Variants in MDGA2 observed in about 807,000 individuals in gnomAD.
MDGA2 encodes MAM domain containing glycosylphosphatidylinositol anchor 2.
Under a neutral mutation model 117.8 loss-of-function variants are expected in MDGA2, and 40 were observed. The ratio of observed to expected loss-of-function variants is 0.34; its 90% CI spans 0.26 to 0.44. The LOEUF (loss-of-function observed/expected upper bound fraction) is 0.44, where lower values mean the gene tolerates loss of function less well. MDGA2 is among the 20% of genes least tolerant of loss of function. The pLI is 1.00. For synonymous variants in MDGA2, 452 were observed against 439.0 expected (o/e 1.03, Z -0.37); for missense variants, 1,123 against 1,250.6 (o/e 0.90, Z 1.54).
At chr14:47,427,063 G>C (rs967553911) in intron 1 of MDGA2, among the ~76,000 whole-genome samples, 8 of 152,048 alleles carry the variant, frequency 5.3e-5, no homozygotes, top group Admixed American at 5.3e-4. Context: ...CTAGTTACTA[G>C]ATTGTTTCTA....
At chr14:47,276,011 A>T (rs1299929402) in intron 2 of MDGA2, among the ~76,000 whole-genome samples, 1 of 152,108 alleles carries the variant, frequency 6.6e-6, no homozygotes, top group Admixed American at 6.6e-5. Flanking sequence ...ACTTTCCTGG[A>T]TGAAGTGGCC....
intron 4 of MDGA2, among the ~76,000 whole-genome samples, chr14:47,132,580 C>T (rs1307012815): frequency 6.6e-6 from 1 of 151,762 alleles, no homozygotes; most frequent in Non-Finnish European, 1.5e-5. Context: ...TTTGTAAAAA[C>T]ATTGGATTGA....
chr14:47,591,877 C>A (rs2138860255), intron 1 of MDGA2, among the ~76,000 whole-genome samples: 1 of 152,126 alleles, frequency 6.6e-6, no homozygotes, highest in Middle Eastern at 3.4e-3. Flanking sequence ...CGGCACAAGA[C>A]AAAGATGCCC....
intron 5 of MDGA2, among the ~76,000 whole-genome samples, chr14:47,111,604 G>A (rs1881039919): frequency 6.6e-6 from 1 of 152,106 alleles, no homozygotes; most frequent in South Asian, 2.1e-4. Context: ...CATTGCTCTG[G>A]ATATGTTCAC....
chr14:47,264,367 G>T (rs1207777662), intron 2 of MDGA2, among the ~76,000 whole-genome samples: 1 of 152,060 alleles, frequency 6.6e-6, no homozygotes, highest in African/African-American at 2.4e-5. Flanking sequence ...AAAAGTATTG[G>T]GTTGACTGCA....
At chr14:47,361,205 CTCTA>C (rs1273429569) in intron 1 of MDGA2, among the ~76,000 whole-genome samples, 101 of 124,720 alleles carry the variant, frequency 8.1e-4, no homozygotes, top group East Asian at 2.5e-3. Flanking sequence ...CTCTCTCTCT[CTCTA>C]TATATATATA....
chr14:47,379,900 C>T (rs1891573214), intron 1 of MDGA2, among the ~76,000 whole-genome samples: 1 of 152,188 alleles, frequency 6.6e-6, no homozygotes, highest in Non-Finnish European at 1.5e-5. Context: ...ACTCTGCACC[C>T]CAGGTCAAGA....
intron 2 of MDGA2, among the ~76,000 whole-genome samples, chr14:47,249,142 C>T (rs1459984772): frequency 2.6e-5 from 4 of 151,988 alleles, no homozygotes; most frequent in East Asian, 1.9e-4. Context: ...CTCAGCCCCC[C>T]GAGTAGATGG....
In MDGA2 at chr14:46,873,576, A is replaced by G; in HGVS notation, c.2609T>C (p.Ile870Thr). 6.2e-7 allele frequency: 1 copy of G among 1,611,922 alleles called. No homozygotes were observed. Among genetic ancestry groups the G allele is most frequent in the Non-Finnish European group, 8.5e-7 (1 of 1,178,676 alleles). The change falls in exon 14 of 17, where the codon ATT becomes ACT. Residue 870 changes from isoleucine (I) to threonine (T), a missense_variant. By Grantham distance (89) the Ile-to-Thr change is moderately conservative. This residue lies in a region of MDGA2 where 890 missense variants were observed against 1,050.3 expected (regional missense o/e 0.85). Transcript: ENST00000399232. ...SGSKEGFYMY[I>T]ETSRPRLEGE... ...TTCCAATCTGGGTCGTGATGTCTCA[A>G]TGTACATATAAAAACCTTAAAACAG...
chr14:47,392,331 G>A (rs1168821776), intron 1 of MDGA2, among the ~76,000 whole-genome samples: 1 of 152,026 alleles, frequency 6.6e-6, no homozygotes, highest in Non-Finnish European at 1.5e-5. Flanking sequence ...GTGGAAAACT[G>A]TCGCCATAGT....
intron 11 of MDGA2, among the ~76,000 whole-genome samples, chr14:46,878,960 A>C (rs1467482009): frequency 6.6e-6 from 1 of 152,102 alleles, no homozygotes; most frequent in Non-Finnish European, 1.5e-5. Flanking sequence ...AACTTTGTGA[A>C]AATTTGCACA....
chr14:47,359,615 T>C (rs1035378359), intron 1 of MDGA2, among the ~76,000 whole-genome samples: 8 of 150,956 alleles, frequency 5.3e-5, no homozygotes, highest in African/African-American at 1.7e-4. Context: ...AAGAACTTTA[T>C]CTTTCACCAT....
intron 2 of MDGA2, among the ~76,000 whole-genome samples, chr14:47,295,678 C>T (rs1374909528): frequency 1.3e-5 from 2 of 151,916 alleles, no homozygotes; most frequent in Non-Finnish European, 2.9e-5. Flanking sequence ...CTGAGGTGGG[C>T]GAATCACCCG....
chr14:46,964,705 T>C (rs1885946283), intron 8 of MDGA2, among the ~76,000 whole-genome samples: 1 of 152,158 alleles, frequency 6.6e-6, no homozygotes, highest in Admixed American at 6.5e-5. Flanking sequence ...AATGTAATAC[T>C]GAAGTGGAGA....
At chr14:47,402,553 T>G (rs1892177090) in intron 1 of MDGA2, among the ~76,000 whole-genome samples, 2 of 152,146 alleles carry the variant, frequency 1.3e-5, no homozygotes, top group African/African-American at 4.8e-5. Flanking sequence ...AGCATGTGTA[T>G]TTTGTAATGT....
intron 10 of MDGA2, among the ~76,000 whole-genome samples, chr14:46,905,205 A>G (rs150870326): frequency 2.6e-5 from 4 of 152,302 alleles, no homozygotes; most frequent in African/African-American, 9.6e-5. Flanking sequence ...ATTTTATACA[A>G]GAAGAGGTGT....
At chr14:47,132,450 T>C (rs1449905903) in intron 4 of MDGA2, among the ~76,000 whole-genome samples, 1 of 151,988 alleles carries the variant, frequency 6.6e-6, no homozygotes, top group Non-Finnish European at 1.5e-5. Flanking sequence ...TTGTTCTTGT[T>C]ATTTCATGTT....
rs376524919 is a variant in MDGA2 at position 46,870,808 on chromosome 14, A to C, written c.2752+2625T>G. 1.9e-3 allele frequency: 293 copies of C among 152,160 alleles called. 2 individuals carry two copies. The highest frequency in any genetic ancestry group is 6.8e-3 in the African/African-American group (281 of 41,546). 9.4% of individuals were successfully genotyped at this position (152,160 alleles called of 1,614,324 possible). A position where few individuals can be genotyped will look rare whatever the true frequency, so the allele number is the denominator to read the frequency against. ...AAGAAGATAAGACTAACAACTATTA[A>C]GTTAAAAGTATATTATAATGATGTA... On this transcript the variant is annotated intron_variant, in intron 14 of 16. Transcript: ENST00000399232.
chr14:47,226,878 G>C (rs1448446614), intron 2 of MDGA2, among the ~76,000 whole-genome samples: 2 of 152,100 alleles, frequency 1.3e-5, no homozygotes, highest in Non-Finnish European at 2.9e-5. Flanking sequence ...CCATGACCGT[G>C]AGACTATGTG....
Sources: allele counts gnomAD v4.1 joint callset (sites outside exome capture counted in the v4.1 genomes callset), GRCh38; gene constraint gnomAD v4.1.1; regional missense constraint gnomAD v4.1.1; transcripts MANE v1.5; gene names NCBI Gene and HGNC (gene_info 2026-07-23, HGNC 2026-07-21).